LRMDA: variants seen among roughly 807,000 people sequenced by gnomAD.
LRMDA encodes leucine rich melanocyte differentiation associated.
In LRMDA, 18 loss-of-function variants were observed where a neutral mutation model predicts 29.8. The observed-to-expected ratio is 0.60, with a 90% confidence interval of 0.42 to 0.90. LRMDA has a LOEUF of 0.90. Among genes scored for constraint, LRMDA ranks in the 40% least tolerant of loss-of-function variants. The pLI is 0.00. For synonymous variants in LRMDA, 125 were observed against 109.4 expected, an observed-to-expected ratio of 1.14 and a Z score of -0.89; for missense variants, 273 against 273.9, an observed-to-expected ratio of 1.00 and a Z score of 0.02.
intron 2 of LRMDA, chr10:75,643,178 A>G (rs1161168614): frequency 6.6e-6 from 1 of 151,978 alleles, no homozygotes. Flanking sequence ...ATTCATACAC[A>G]CATTCTGATT....
At chr10:76,223,088 G>A (rs1374548751) in intron 5 of LRMDA, among the ~76,000 whole-genome samples, 2 of 151,812 alleles carry the variant, frequency 1.3e-5, no homozygotes, top group Non-Finnish European at 2.9e-5. Context: ...GACACAGGAA[G>A]GGGAACATCA....
chr10:76,029,114 C>T (rs1237164110), intron 2 of LRMDA, among the ~76,000 whole-genome samples: 2 of 152,244 alleles, frequency 1.3e-5, no homozygotes, highest in African/African-American at 4.8e-5. Flanking sequence ...CATGCCTGGC[C>T]AACCATTTTG....
chr10:76,179,378 G>A (rs1046274890), intron 5 of LRMDA, among the ~76,000 whole-genome samples: 5 of 152,058 alleles, frequency 3.3e-5, no homozygotes, highest in African/African-American at 1.2e-4. Flanking sequence ...ATGAGGAAAC[G>A]GAGGCCTAGA....
At chr10:75,889,061 G>A (rs1038077336) in intron 2 of LRMDA, among the ~76,000 whole-genome samples, 1 of 152,168 alleles carries the variant, frequency 6.6e-6, no homozygotes, top group African/African-American at 2.4e-5. Flanking sequence ...TTCCAGAAAA[G>A]AGTGAGCTAT....
Position 75,632,782 on chromosome 10 carries a change from G to GTTTTTTTTTTTTTTTTTTTTTTTTT in LRMDA, c.131+194291_131+194315dup, listed in dbSNP as rs386371855. On this transcript the variant is annotated intron_variant, in intron 2 of 6. Transcript: ENST00000611255. ...TAGTTTTTTTGTTTAGTTTAGTTTAGTTTTTTTTTTTTTTTTTTTTTTTTT... is the reference window on the plus strand; with the variant it reads ...TAGTTTTTTTGTTTAGTTTAGTTTAGTTTTTTTTTTTTTTTTTTTTTTTTTTTTTTTTTTTTTTTTTTTTTTTTTT... Among the ~76,000 whole-genome samples, 2 of 43,256 alleles carry GTTTTTTTTTTTTTTTTTTTTTTTTT rather than the reference G, an allele frequency of 4.6e-5. 1 individual carries two copies. The highest frequency in any genetic ancestry group is 9.2e-5 in the Non-Finnish European group (2 of 21,686). The allele number at this position is 43,256 out of a possible 152,430, so 28.4% of individuals were successfully genotyped here.
intron 5 of LRMDA, among the ~76,000 whole-genome samples, chr10:76,100,037 G>C (rs959366225): frequency 6.6e-6 from 1 of 152,150 alleles, no homozygotes; most frequent in Non-Finnish European, 1.5e-5. Context: ...GTCTCCAACT[G>C]TAATCATAGA....
At chr10:76,224,694 G>C (rs770965534) in intron 5 of LRMDA, among the ~76,000 whole-genome samples, 15 of 116,288 alleles carry the variant, frequency 1.3e-4, no homozygotes, top group African/African-American at 4.0e-4. Context: ...TTTTTTTACC[G>C]GACAAAAATC....
intron 5 of LRMDA, among the ~76,000 whole-genome samples, chr10:76,161,506 C>G (rs1354179851): frequency 6.6e-6 from 1 of 152,154 alleles, no homozygotes; most frequent in Non-Finnish European, 1.5e-5. Flanking sequence ...TTCTGGGAAA[C>G]AAACAAACAA....
At chr10:76,244,030 T>A (rs1437664272) in intron 5 of LRMDA, among the ~76,000 whole-genome samples, 1 of 152,214 alleles carries the variant, frequency 6.6e-6, no homozygotes. Flanking sequence ...GCTGGACTTA[T>A]GTAGAGCTAT....
intron 5 of LRMDA, among the ~76,000 whole-genome samples, chr10:76,204,539 T>C (rs1035567059): frequency 3.3e-5 from 5 of 152,240 alleles, no homozygotes; most frequent in African/African-American, 1.2e-4. Context: ...AGTTTTTAAA[T>C]AGCAAATGAG....
chr10:75,651,104 C>A (rs761814862), intron 2 of LRMDA, among the ~76,000 whole-genome samples: 1 of 152,164 alleles, frequency 6.6e-6, no homozygotes, highest in South Asian at 2.1e-4. Flanking sequence ...TAGAAAGGCC[C>A]GTGTCTTCCT....
At chr10:75,647,828 C>G (rs1265831428) in intron 2 of LRMDA, among the ~76,000 whole-genome samples, 1 of 152,142 alleles carries the variant, frequency 6.6e-6, no homozygotes, top group African/African-American at 2.4e-5. Context: ...CTCTAGGTCT[C>G]TCTTAGTCTC....
intron 5 of LRMDA, among the ~76,000 whole-genome samples, chr10:76,176,824 G>A (rs1469587220): frequency 6.6e-6 from 1 of 152,172 alleles, no homozygotes; most frequent in South Asian, 2.1e-4. Flanking sequence ...TGCCAAGGTA[G>A]ACCGTAACCC....
chr10:76,293,363 T>C (rs1840373519), intron 5 of LRMDA, among the ~76,000 whole-genome samples: 1 of 152,182 alleles, frequency 6.6e-6, no homozygotes, highest in African/African-American at 2.4e-5. Flanking sequence ...GAGAGGGTAA[T>C]GTTTGCCTTA....
chr10:76,228,062 G>C (rs925508660), intron 5 of LRMDA, among the ~76,000 whole-genome samples: 4 of 148,746 alleles, frequency 2.7e-5, no homozygotes, highest in Non-Finnish European at 4.4e-5. Context: ...TCGCTCTGTT[G>C]CTAGGCTGGA....
chr10:76,138,515 A>C lies in LRMDA; in HGVS notation c.516+79732A>C, dbSNP rs556669976. ...TAGTCTTAAACCTGGCCAAGCGAGA[A>C]CAAATGGTGACCTTAAGTTATATCT... is the stretch of plus-strand genomic sequence containing the variant. On this transcript the variant is annotated intron_variant, in intron 5 of 6. Transcript: ENST00000611255. 9.7e-4 allele frequency among the ~76,000 whole-genome samples: 147 copies of C among 152,196 alleles called. 3 individuals carry two copies. Among genetic ancestry groups the C allele is most frequent in the Non-Finnish European group, 1.6e-3 (108 of 68,040 alleles).
At chr10:75,947,563 C>CT (rs1365614298) in intron 2 of LRMDA, among the ~76,000 whole-genome samples, 13 of 152,338 alleles carry the variant, frequency 8.5e-5, no homozygotes, top group Admixed American at 2.0e-4. Flanking sequence ...ATGAGCCTGA[C>CT]TTTGAGTCCT....
chr10:75,574,909 A>G (rs972541767), intron 2 of LRMDA, among the ~76,000 whole-genome samples: 1 of 152,200 alleles, frequency 6.6e-6, no homozygotes, highest in African/African-American at 2.4e-5. Flanking sequence ...TATAAAGAAA[A>G]GAGGTTTAAT....
At chr10:75,542,779 A>G (rs1046467832) in intron 2 of LRMDA, among the ~76,000 whole-genome samples, 3 of 152,192 alleles carry the variant, frequency 2.0e-5, no homozygotes, top group Non-Finnish European at 4.4e-5. Context: ...TGGGAGACAC[A>G]TGCAGGCCTG....
Sources: allele counts gnomAD v4.1 joint callset (sites outside exome capture counted in the v4.1 genomes callset), GRCh38; gene constraint gnomAD v4.1.1; transcripts MANE v1.5; gene names NCBI Gene and HGNC (gene_info 2026-07-23, HGNC 2026-07-21).